RPAP3: variants seen among roughly 807,000 people sequenced by gnomAD.
RPAP3 encodes the protein RNA polymerase II-associated protein 3.
In RPAP3, 58 loss-of-function variants were observed where a neutral mutation model predicts 88.8. The ratio of observed to expected loss-of-function variants is 0.65; its 90% CI spans 0.53 to 0.81. RPAP3 has a LOEUF of 0.81. Among genes scored for constraint, RPAP3 ranks in the 40% least tolerant of loss-of-function variants. The pLI is 0.00. For missense variants in RPAP3, 751 were observed against 764.3 expected, an observed-to-expected ratio of 0.98 and a Z score of 0.20; for synonymous variants, 255 against 259.9, an observed-to-expected ratio of 0.98 and a Z score of 0.18.
chr12:47,679,424 A>G, intron 12 of RPAP3, 69 bp downstream of exon 12: 1 of 992,558 alleles, frequency 1.0e-6, no homozygotes, highest in Non-Finnish European at 1.5e-6. Context: ...TTAATACAAT[A>G]GTTGGTTTCC....
chr12:47,680,616 C>A, intron 10 of RPAP3, among the ~76,000 whole-genome samples: 1 of 150,840 alleles, frequency 6.6e-6, no homozygotes. Flanking sequence ...GCAAATTAAA[C>A]CAAAAGAAAG....
In RPAP3 at chr12:47,661,905, GT is replaced by G. The variant is rs1938767336; in HGVS notation, c.*1599del. 2 of 152,270 alleles carry G rather than the reference GT, an allele frequency of 1.3e-5. No homozygotes were observed. Among genetic ancestry groups the G allele is most frequent in the South Asian group, 4.1e-4 (2 of 4,822 alleles). The allele number at this position is 152,270 out of a possible 1,614,324, so 9.4% of individuals were successfully genotyped here. On this transcript the variant is annotated 3_prime_UTR_variant, in exon 17 of 17. Transcript: ENST00000005386. The stretch of plus-strand genomic sequence containing the variant: ...AAGGATCATACCGTAGTCCATTCGG[GT>G]TGCTATAATAAAATATCAAACTGGG...
chr12:47,696,072 G>T, intron 5 of RPAP3: 1 of 372,984 alleles, frequency 2.7e-6, no homozygotes, highest in Admixed American at 4.6e-5. Flanking sequence ...TGAGCTATGG[G>T]AACAAGGTTT....
At chr12:47,692,413 G>A (rs1939446166) in intron 5 of RPAP3, among the ~76,000 whole-genome samples, 1 of 152,186 alleles carries the variant, frequency 6.6e-6, no homozygotes, top group South Asian at 2.1e-4. Flanking sequence ...AGCACCTGCT[G>A]CTTCACCTTC....
At chr12:47,688,070 AC>A in intron 7 of RPAP3, 69 bp from the exon 8 acceptor site, 1 of 1,296,094 alleles carries the variant, frequency 7.7e-7, no homozygotes. Context: ...TGACCTTAAA[AC>A]ATAAATACCT....
intron 15 of RPAP3, among the ~76,000 whole-genome samples, chr12:47,667,353 C>G (rs1457170332): frequency 2.0e-5 from 3 of 152,082 alleles, no homozygotes; most frequent in African/African-American, 7.2e-5. Context: ...AATTAGAGTC[C>G]TTTTTCCTCC....
chr12:47,687,851 G>T, intron 8 of RPAP3, 25 bp downstream of exon 8: 1 of 1,607,730 alleles, frequency 6.2e-7, no homozygotes. Context: ...CATATACATT[G>T]TACGTTGGAA....
At chr12:47,688,422 A>C (rs530725932) in intron 7 of RPAP3, among the ~76,000 whole-genome samples, 6 of 152,266 alleles carry the variant, frequency 3.9e-5, no homozygotes, top group African/African-American at 1.4e-4. Flanking sequence ...TTCATACCCC[A>C]AACCTCAGTA....
At chr12:47,693,514 T>A (rs1018361153) in intron 5 of RPAP3, among the ~76,000 whole-genome samples, 5 of 152,216 alleles carry the variant, frequency 3.3e-5, no homozygotes, top group African/African-American at 1.2e-4. Context: ...TGATATAAGG[T>A]TGCCACAAAC....
intron 5 of RPAP3, among the ~76,000 whole-genome samples, chr12:47,693,708 G>A (rs888486639): frequency 7.9e-5 from 12 of 152,048 alleles, no homozygotes; most frequent in African/African-American, 2.9e-4. Flanking sequence ...AGTTCCACAA[G>A]AAAGAAACAC....
At chr12:47,686,667 T>G in intron 9 of RPAP3, 113 bp downstream of exon 9, 1 of 732,480 alleles carries the variant, frequency 1.4e-6, no homozygotes, top group Admixed American at 2.9e-5. Context: ...TAAATTGGCA[T>G]GTGAGCTAAC....
rs1483753726 is a variant in RPAP3 at position 47,696,395 on chromosome 12, T to C, written c.426A>G (p.Lys142=). Residue 142 remains lysine (K), a synonymous_variant, in exon 5 of 17, where the codon AAA becomes AAG. Transcript: ENST00000005386. ...KALVLKEKGN[K]YFKQGKYDEA... ...CATCATATTTTCCTTGTTTGAAGTA[T>C]TTATTGCCCTGAAAGAAAATTATAT... 4 of 1,566,386 alleles carry C rather than the reference T, an allele frequency of 2.6e-6. No homozygotes were observed. Among genetic ancestry groups the C allele is most frequent in the East Asian group, 2.3e-5 (1 of 43,368 alleles).
chr12:47,704,583 G>A (rs1252637836), intron 1 of RPAP3, among the ~76,000 whole-genome samples: 1 of 151,204 alleles, frequency 6.6e-6, no homozygotes, highest in Admixed American at 6.6e-5. Context: ...TCACCACGTT[G>A]GCCAGGCTGG....
chr12:47,682,257 G>C (rs1187635884), intron 9 of RPAP3, among the ~76,000 whole-genome samples: 2 of 152,090 alleles, frequency 1.3e-5, no homozygotes, highest in Non-Finnish European at 2.9e-5. Flanking sequence ...AACTTGGTAC[G>C]AATGTGATAG....
chr12:47,689,636 G>A (rs999185827), intron 6 of RPAP3, among the ~76,000 whole-genome samples: 1 of 151,210 alleles, frequency 6.6e-6, no homozygotes, highest in Admixed American at 6.7e-5. Context: ...ACTGTGCAGA[G>A]CCAAGCCACT....
intron 6 of RPAP3, among the ~76,000 whole-genome samples, chr12:47,689,808 G>A (rs560032180): frequency 3.3e-5 from 5 of 152,200 alleles, no homozygotes; most frequent in East Asian, 3.9e-4. Flanking sequence ...TTGGGAGGCC[G>A]AGGTGGGCAG....
At chr12:47,688,086 T>C (rs1939360734) in intron 7 of RPAP3, 85 bp from the exon 8 acceptor site, 1 of 1,131,354 alleles carries the variant, frequency 8.8e-7, no homozygotes, top group Non-Finnish European at 1.2e-6. Context: ...ATACCTCAAA[T>C]ATATTAGAAT....
chr12:47,690,041 C>CAAAAAA (rs573336232), intron 6 of RPAP3, among the ~76,000 whole-genome samples: 2 of 56,614 alleles, frequency 3.5e-5, no homozygotes, highest in African/African-American at 6.6e-5. Flanking sequence ...GACTCTGTCT[C>CAAAAAA]AAAAAAAAAA....
At chr12:47,683,940 T>A (rs1453457758) in intron 9 of RPAP3, among the ~76,000 whole-genome samples, 1 of 152,184 alleles carries the variant, frequency 6.6e-6, no homozygotes. Flanking sequence ...CTTATTTTTG[T>A]GACCAACTCT....
Sources: allele counts gnomAD v4.1 joint callset (sites outside exome capture counted in the v4.1 genomes callset), GRCh38; gene constraint gnomAD v4.1.1; transcripts MANE v1.5; gene names NCBI Gene and HGNC (gene_info 2026-07-23, HGNC 2026-07-21).